Variants in TLL1 observed in about 807,000 individuals in gnomAD.
TLL1 encodes tolloid-like protein 1.
In TLL1, 49 loss-of-function variants were observed where a neutral mutation model predicts 128.2. The ratio of observed to expected loss-of-function variants is 0.38; its 90% confidence interval spans 0.30 to 0.48. The LOEUF (loss-of-function observed/expected upper bound fraction) is 0.48. Ranked by LOEUF, TLL1 falls within the 20% of genes least tolerant of loss-of-function variation. The pLI, the probability that TLL1 is intolerant of heterozygous loss-of-function variation, is 0.96. For missense variants in TLL1, 1,123 were observed against 1,242.0 expected, an observed-to-expected ratio of 0.90 and a Z score of 1.44; for synonymous variants, 454 against 418.8, an observed-to-expected ratio of 1.08 and a Z score of -1.03.
intron 1 of TLL1, among the ~76,000 whole-genome samples, chr4:165,917,707 T>C (rs920276325): frequency 6.6e-6 from 1 of 152,162 alleles, no homozygotes; most frequent in Non-Finnish European, 1.5e-5. Context: ...GCATGAGTCA[T>C]CTACAAAGCA....
intron 1 of TLL1, among the ~76,000 whole-genome samples, chr4:165,876,387 G>A (rs1471245977): frequency 6.6e-6 from 1 of 152,060 alleles, no homozygotes; most frequent in Non-Finnish European, 1.5e-5. Context: ...GTCTGTGAAA[G>A]AAAGCCATGC....
intron 1 of TLL1, among the ~76,000 whole-genome samples, chr4:165,951,793 T>C (rs1482925659): frequency 6.6e-6 from 1 of 152,128 alleles, no homozygotes; most frequent in African/African-American, 2.4e-5. Context: ...AGGCAATGAA[T>C]ATAAACATCT....
intron 19 of TLL1, among the ~76,000 whole-genome samples, chr4:166,096,506 AT>A (rs1392127131): frequency 2.0e-5 from 3 of 152,040 alleles, no homozygotes; most frequent in Non-Finnish European, 4.4e-5. Context: ...CTTCTGTTTA[AT>A]TTCTTCAGTT....
chr4:166,083,687 G>A lies in TLL1; in HGVS notation c.2442+5657G>A, dbSNP rs1316750266. ...TGCTTTATTTAACATAATGTCCTGC[G>A]GTTTCACCCATGTTGTTACAAATGA... On this transcript the variant is annotated intron_variant, in intron 18 of 20. Transcript: ENST00000061240. Among the ~76,000 whole-genome samples, 4 of 67,862 alleles carry A rather than the reference G, an allele frequency of 5.9e-5. 2 individuals are homozygous for A. Among genetic ancestry groups the A allele is most frequent in the Admixed American group, 4.8e-4 (2 of 4,168 alleles). The allele number at this position is 67,862 out of a possible 152,430, so 44.5% of individuals were successfully genotyped here. A position where few individuals can be genotyped will look rare whatever the true frequency, so the allele number is the denominator to read the frequency against.
chr4:166,098,229 G>A (rs889840790), intron 19 of TLL1, among the ~76,000 whole-genome samples: 2 of 151,542 alleles, frequency 1.3e-5, no homozygotes, highest in Non-Finnish European at 2.9e-5. Context: ...CAGTTACTTG[G>A]GAGGGTGAGG....
At chr4:165,993,518 C>T (rs1005834195) in intron 3 of TLL1, among the ~76,000 whole-genome samples, 10 of 151,770 alleles carry the variant, frequency 6.6e-5, no homozygotes, top group Non-Finnish European at 1.5e-4. Flanking sequence ...TACATATTTC[C>T]AAGGAATAAT....
At chr4:165,922,368 G>T (rs116346016) in intron 1 of TLL1, among the ~76,000 whole-genome samples, 21 of 152,270 alleles carry the variant, frequency 1.4e-4, no homozygotes, top group African/African-American at 5.1e-4. Flanking sequence ...CAATATTTCC[G>T]TAGCTATGGT....
chr4:166,043,503 A>G, intron 12 of TLL1, 84 bp downstream of exon 12: 1 of 1,578,064 alleles, frequency 6.3e-7, no homozygotes, highest in South Asian at 1.1e-5. Context: ...AAATCAGCAA[A>G]GAAACAGAGA....
chr4:165,931,543 C>A (rs1733518936), intron 1 of TLL1, among the ~76,000 whole-genome samples: 1 of 151,714 alleles, frequency 6.6e-6, no homozygotes, highest in Non-Finnish European at 1.5e-5. Flanking sequence ...CGGTGAAACC[C>A]CGTCTCTACT....
chr4:166,019,345 G>A (rs529604581), intron 8 of TLL1, among the ~76,000 whole-genome samples: 1 of 152,246 alleles, frequency 6.6e-6, no homozygotes, highest in South Asian at 2.1e-4. Flanking sequence ...AAAATTACCA[G>A]TTAGGTTCTA....
chr4:165,946,340 T>C (rs1242140713), intron 1 of TLL1, among the ~76,000 whole-genome samples: 1 of 151,070 alleles, frequency 6.6e-6, no homozygotes, highest in Non-Finnish European at 1.5e-5. Context: ...AAATTTGTCA[T>C]TCCTTTTTTT....
intron 1 of TLL1, among the ~76,000 whole-genome samples, chr4:165,983,357 A>T (rs1395143924): frequency 6.6e-6 from 1 of 151,892 alleles, no homozygotes; most frequent in Non-Finnish European, 1.5e-5. Flanking sequence ...GAAATTTAGC[A>T]TTTAATCATT....
At chr4:166,044,532 C>T (rs1739374824) in intron 12 of TLL1, 12 of 1,012,612 alleles carry the variant, frequency 1.2e-5, no homozygotes, top group Non-Finnish European at 1.6e-5. Context: ...TATATACTTT[C>T]TACTTTAATC....
chr4:165,943,656 A>T (rs912734026), intron 1 of TLL1, among the ~76,000 whole-genome samples: 2 of 151,604 alleles, frequency 1.3e-5, no homozygotes, highest in African/African-American at 4.9e-5. Context: ...CCTAAGCCAC[A>T]TTTGGAAAAT....
Position 166,091,229 on chromosome 4 carries a change from G to A in TLL1, c.2544G>A (p.Leu848=), listed in dbSNP as rs2654492. Residue 848 remains leucine (L), a synonymous_variant, in exon 19 of 21, where the codon CTG becomes CTA. Transcript: ENST00000061240. ...AAAAGTCACCGATTCTTGGACGACT[G>A]TGTGGCAACAAGATACCAGATCCCC... ...ETEKSPILGR[L]CGNKIPDPLV... 0.96 allele frequency: 1,544,696 copies of A among 1,613,194 alleles called. 741,180 individuals are homozygous for A. The highest frequency in any genetic ancestry group is 1 in the East Asian group (44,640 of 44,728).
chr4:165,901,282 T>C (rs1229646380), intron 1 of TLL1, among the ~76,000 whole-genome samples: 4 of 152,202 alleles, frequency 2.6e-5, no homozygotes, highest in Admixed American at 2.6e-4. Context: ...GTTCCCTTGC[T>C]GGTGAGGAGT....
rs148706002 is a variant in TLL1, at chr4:165,965,403, A to G, written c.170-23978A>G. Among the ~76,000 whole-genome samples, 48 of 152,308 alleles carry G rather than the reference A, an allele frequency of 3.2e-4. No individual in the cohort carries two copies. In the East Asian group the frequency reaches 3.9e-3, roughly 12 times the overall value. On this transcript the variant is annotated intron_variant, in intron 1 of 20. Transcript: ENST00000061240. Reference sequence around the variant, plus strand: ...ATTTTGCAATAAATGTAGGACTCCAATATCCAACACAAATCTGTGTCACAA... The same window carrying G: ...ATTTTGCAATAAATGTAGGACTCCAGTATCCAACACAAATCTGTGTCACAA...
chr4:166,048,046 G>A (rs1739538049), intron 12 of TLL1, among the ~76,000 whole-genome samples: 1 of 151,982 alleles, frequency 6.6e-6, no homozygotes, highest in Non-Finnish European at 1.5e-5. Context: ...AGACCAGCCT[G>A]ACCAACATGG....
chr4:166,029,306 C>A (rs1405201839), intron 9 of TLL1, among the ~76,000 whole-genome samples: 1 of 151,872 alleles, frequency 6.6e-6, no homozygotes, highest in African/African-American at 2.4e-5. Context: ...AAAAAAGGAT[C>A]TTATCCCAAT....
Sources: gnomAD v4.1 joint callset for allele counts (sites outside exome capture counted in the v4.1 genomes callset) on GRCh38, gnomAD v4.1.1 for gene constraint, MANE v1.5 for transcripts, NCBI Gene and HGNC (gene_info 2026-07-23, HGNC 2026-07-21) for gene names.